Variants in PIAS1 observed in about 807,000 individuals in gnomAD.
The protein encoded by PIAS1 is protein inhibitor of activated STAT 1.
PIAS1 carries 6 observed loss-of-function variants against 71.3 expected under a neutral mutation model. The ratio of observed to expected loss-of-function variants is 0.08; its 90% CI spans 0.05 to 0.17. PIAS1 has a LOEUF of 0.17. Among genes scored for constraint, PIAS1 ranks in the 10% least tolerant of loss-of-function variants. The pLI is 1.00. For synonymous variants in PIAS1, 303 were observed against 292.9 expected (o/e 1.03, Z -0.35); for missense variants, 555 against 793.6 (o/e 0.70, Z 3.61).
chr15:68,067,208 C>T (rs567730041), intron 1 of PIAS1, among the ~76,000 whole-genome samples: 79 of 152,288 alleles, frequency 5.2e-4, no homozygotes, highest in South Asian at 2.1e-3. Context: ...GAAGTTGTCT[C>T]ATGGATATTT....
chr15:68,130,220 C>A (rs2092680649), intron 2 of PIAS1, among the ~76,000 whole-genome samples: 1 of 151,490 alleles, frequency 6.6e-6, no homozygotes, highest in African/African-American at 2.4e-5. Context: ...AATAAATAAA[C>A]CTTAAAAGAA....
Position 68,188,095 on chromosome 15 carries a change from AAAAC to A in PIAS1, c.*263_*266del, listed in dbSNP as rs537644417. ...AAAAAAGGAAAGAAAAGAAAAAAGA[AAAAC>A]AAGCACCCACAAACCACCTTCAGTT... On this transcript the variant is annotated 3_prime_UTR_variant, in exon 14 of 14. Transcript: ENST00000249636. 312 of 270,470 alleles carry A rather than the reference AAAAC, an allele frequency of 1.2e-3. 3 individuals carry two copies. The highest frequency in any genetic ancestry group is 6.3e-3 in the African/African-American group (286 of 45,752). 16.8% of individuals were successfully genotyped at this position (270,470 alleles called of 1,614,324 possible). A position where few individuals can be genotyped will look rare whatever the true frequency, so the allele number is the denominator to read the frequency against.
intron 8 of PIAS1, among the ~76,000 whole-genome samples, chr15:68,172,038 T>G (rs2092994590): frequency 6.6e-6 from 1 of 152,164 alleles, no homozygotes; most frequent in African/African-American, 2.4e-5. Context: ...ACATTAGGTA[T>G]TTTTCCTAAT....
chr15:68,055,939 T>A (rs764293627), intron 1 of PIAS1: 2 of 699,866 alleles, frequency 2.9e-6, no homozygotes, highest in Non-Finnish European at 5.2e-6. Flanking sequence ...GTCATTCTTT[T>A]AAAATGTACT....
At chr15:68,150,559 C>CTGTGTCTTTTCAAA (rs1433243236) in intron 6 of PIAS1, among the ~76,000 whole-genome samples, 2 of 152,140 alleles carry the variant, frequency 1.3e-5, no homozygotes, top group Non-Finnish European at 2.9e-5. Context: ...AATGTTGCAA[C>CTGTGTCTTTTCAAA]TGTGTCTTTT....
chr15:68,106,548 A>G (rs1309832551), intron 2 of PIAS1, among the ~76,000 whole-genome samples: 1 of 152,170 alleles, frequency 6.6e-6, no homozygotes, highest in Non-Finnish European at 1.5e-5. Flanking sequence ...TCTAATAGAC[A>G]CTTGCCTTTG....
intron 2 of PIAS1, among the ~76,000 whole-genome samples, chr15:68,135,034 T>C (rs376504972): frequency 2.0e-4 from 7 of 35,650 alleles, no homozygotes; most frequent in East Asian, 1.7e-3. Flanking sequence ...CACTTCCCAG[T>C]AGGGGCGGCC....
At chr15:68,068,860 T>G (rs1302247397) in intron 1 of PIAS1, among the ~76,000 whole-genome samples, 1 of 151,940 alleles carries the variant, frequency 6.6e-6, no homozygotes, top group Admixed American at 6.6e-5. Flanking sequence ...GCAAGACCAT[T>G]AAAGTCTGTG....
intron 2 of PIAS1, among the ~76,000 whole-genome samples, chr15:68,091,953 T>TA (rs1295750947): frequency 9.8e-5 from 15 of 152,332 alleles, no homozygotes; most frequent in African/African-American, 3.4e-4. Context: ...GGAAAATTGT[T>TA]AAGTCGAGCC....
At chr15:68,183,501 T>C in intron 12 of PIAS1, 129 bp from the exon 13 acceptor site, 1 of 583,782 alleles carries the variant, frequency 1.7e-6, no homozygotes, top group Admixed American at 3.2e-5. Context: ...TTAGCTCAAC[T>C]CTTCATGTTT....
chr15:68,152,514 A>C (rs978641990), intron 6 of PIAS1, among the ~76,000 whole-genome samples: 1 of 152,212 alleles, frequency 6.6e-6, no homozygotes, highest in Non-Finnish European at 1.5e-5. Flanking sequence ...GTCATCAAGC[A>C]GTTGCCTAAT....
chr15:68,121,376 T>A (rs1160222096), intron 2 of PIAS1, among the ~76,000 whole-genome samples: 1 of 152,006 alleles, frequency 6.6e-6, no homozygotes, highest in Non-Finnish European at 1.5e-5. Context: ...GTTCTATATA[T>A]TTCCTTTGTC....
intron 2 of PIAS1, among the ~76,000 whole-genome samples, chr15:68,122,237 A>C (rs2092619370): frequency 6.6e-6 from 1 of 152,194 alleles, no homozygotes; most frequent in South Asian, 2.1e-4. Context: ...AAAATGGCCA[A>C]GTTGATATGG....
chr15:68,134,481 G>C (rs536132962), intron 2 of PIAS1, among the ~76,000 whole-genome samples: 2 of 54,380 alleles, frequency 3.7e-5, no homozygotes, highest in African/African-American at 7.8e-5. Context: ...GCGGCTGGCC[G>C]GGCGGGGGGC....
chr15:68,072,612 T>A (rs771646187), intron 1 of PIAS1, among the ~76,000 whole-genome samples: 1 of 152,132 alleles, frequency 6.6e-6, no homozygotes, highest in Non-Finnish European at 1.5e-5. Flanking sequence ...CCATCTGAAC[T>A]ACAGACTTCC....
intron 1 of PIAS1, among the ~76,000 whole-genome samples, chr15:68,081,285 G>T (rs2092225783): frequency 6.6e-6 from 1 of 152,180 alleles, no homozygotes; most frequent in South Asian, 2.1e-4. Context: ...CAAAGCAGGA[G>T]ATTGGGTTGT....
chr15:68,186,196 C>G lies in PIAS1; in HGVS notation c.1663-1346C>G, dbSNP rs1222941847. ...ATTGTTGTCATAGCAAATGACAGCT[C>G]CATGCATGCTATTTTCCCTGAAGAC... is the stretch of plus-strand genomic sequence containing the variant. On this transcript the variant is annotated intron_variant, in intron 13 of 13. Transcript: ENST00000249636. This position sits in a 1 kb window ranked among gnomAD's most constrained non-coding sequence, Gnocchi z 4.4. Among the ~76,000 whole-genome samples the G allele has an allele frequency of 6.6e-6, 1 of 152,182 alleles. No homozygotes were observed. The highest frequency in any genetic ancestry group is 1.9e-4 in the East Asian group (1 of 5,200).
intron 1 of PIAS1, among the ~76,000 whole-genome samples, chr15:68,078,362 T>C (rs79204193): frequency 0.014 from 2,102 of 152,332 alleles, 49 homozygotes; most frequent in African/African-American, 0.048. Flanking sequence ...CGTGTTGCCA[T>C]GTCTTTTAGC....
chr15:68,146,531 A>T (rs2092809417), intron 5 of PIAS1, 35 bp from the exon 6 acceptor site: 2 of 1,549,690 alleles, frequency 1.3e-6, no homozygotes, highest in South Asian at 2.3e-5. Context: ...GATTGTGGAA[A>T]TAATAAGTAT....
Sources: allele counts gnomAD v4.1 joint callset (sites outside exome capture counted in the v4.1 genomes callset), GRCh38; gene constraint gnomAD v4.1.1; non-coding constraint Gnocchi (gnomAD v3.1); transcripts MANE v1.5; gene names NCBI Gene and HGNC (gene_info 2026-07-23, HGNC 2026-07-21).